SPOPL: variants seen among roughly 807,000 people sequenced by gnomAD.
SPOPL encodes speckle type BTB/POZ protein like, also known as speckle-type POZ protein-like.
SPOPL carries 23 observed loss-of-function variants against 53.8 expected under a neutral mutation model. The observed-to-expected ratio is 0.43, with a 90% CI of 0.31 to 0.61. The LOEUF is 0.61. SPOPL is among the 20% of genes least tolerant of loss of function. The pLI is 0.12. For synonymous variants in SPOPL, 164 were observed against 149.7 expected, an observed-to-expected ratio of 1.10 and a Z score of -0.70; for missense variants, 442 against 466.9, an observed-to-expected ratio of 0.95 and a Z score of 0.49.
At chr2:138,552,451 A>G in intron 4 of SPOPL, 103 bp from the exon 5 acceptor site, 4 of 1,358,616 alleles carry the variant, frequency 2.9e-6, no homozygotes, top group Non-Finnish European at 4.0e-6. Context: ...TGATGGATGT[A>G]TTGACAAGTC....
rs367938035 is a variant in SPOPL, at chr2:138,550,174, G to A, written c.-43G>A. ...CTTTGTAGGTAAGGTACTCAACTGT[G>A]TGGGGTACTACATAAATCCTGAAAG... is the stretch of plus-strand genomic sequence containing the variant. On this transcript the variant is annotated 5_prime_UTR_variant, in exon 2 of 11. In the 5' UTR this introduces an upstream ATG that the reference lacks. Coordinates refer to ENST00000280098, the MANE Select transcript of SPOPL (RefSeq NM_001001664.3). The A allele has an allele frequency of 1.7e-5, 27 of 1,579,596 alleles. No homozygotes were observed. The highest frequency in any genetic ancestry group is 2.1e-5 in the Non-Finnish European group (24 of 1,150,174).
At position 138,554,445 on chromosome 2, in the gene SPOPL, C is replaced by T. The variant is rs762242306; in HGVS notation, c.480+1764C>T. 4.0e-6 allele frequency: 5 copies of T among 1,256,314 alleles called. No individual in the cohort carries two copies. In the South Asian group the frequency reaches 5.4e-5, roughly 13 times the overall value. 77.8% of individuals were successfully genotyped at this position (1,256,314 alleles called of 1,614,324 possible). ...GATGCCCTTCCTTCTACAGAATCTC[C>T]AGCACTGCTTGCAGAAGAGGAGGAA... On this transcript the variant is annotated intron_variant, in intron 5 of 10. Transcript: ENST00000280098.
In SPOPL at chr2:138,559,117, T is replaced by A. The variant is rs1173621059; in HGVS notation, c.576T>A (p.Asn192Lys). 76 of 1,613,748 alleles carry A rather than the reference T, an allele frequency of 4.7e-5. No individual in the cohort carries two copies. The highest frequency in any genetic ancestry group is 6.3e-5 in the Non-Finnish European group (74 of 1,179,882). ...GTCGTCTAGCAGAAGATTTAGGTAA[T>A]CTCTGGGAAAACACAAGATTTACAG... Reference protein sequence around the residue: ...PECRLAEDLGNLWENTRFTDC... With the variant: ...PECRLAEDLGKLWENTRFTDC... The change falls in exon 6 of 11, where the codon AAT becomes AAA. Residue 192 changes from asparagine to lysine, a missense_variant. By Grantham distance (94) the Asn-to-Lys change is moderately conservative. Coordinates refer to ENST00000280098, the MANE Select transcript of SPOPL (RefSeq NM_001001664.3).
chr2:138,563,272 G>A (rs928870058), intron 8 of SPOPL, among the ~76,000 whole-genome samples: 1 of 152,142 alleles, frequency 6.6e-6, no homozygotes, highest in Non-Finnish European at 1.5e-5. Context: ...GAGCCCAGGG[G>A]TTTGAAACCA....
At chr2:138,565,452 A>T (rs1176443285) in intron 10 of SPOPL, among the ~76,000 whole-genome samples, 1 of 152,164 alleles carries the variant, frequency 6.6e-6, no homozygotes, top group Non-Finnish European at 1.5e-5. Context: ...ATAGTCCAAA[A>T]ATGGTAGCAA....
In SPOPL at chr2:138,541,828, T is replaced by C. The variant is rs187621626; in HGVS notation, c.-60-8329T>C. 3.5e-4 allele frequency among the ~76,000 whole-genome samples: 53 copies of C among 152,320 alleles called. No homozygotes were observed. In the East Asian group the frequency reaches 6.6e-3, roughly 19 times the overall value. ...TTTCTAGTTCTTTTAATTGTGATATTAGTGTGTCAATTTTAGATCTTTCCT... is the reference window on the plus strand; with the variant it reads ...TTTCTAGTTCTTTTAATTGTGATATCAGTGTGTCAATTTTAGATCTTTCCT... On this transcript the variant is annotated intron_variant, in intron 1 of 10. Transcript: ENST00000280098.
chr2:138,534,015 C>G (rs916615037), intron 1 of SPOPL, among the ~76,000 whole-genome samples: 1 of 151,750 alleles, frequency 6.6e-6, no homozygotes, highest in Admixed American at 6.6e-5. Flanking sequence ...TTTTTTTAAC[C>G]CTACTTTGCT....
In SPOPL at chr2:138,572,936, ATC is replaced by A. The variant is rs1685817935; in HGVS notation, c.*3857_*3858del. 1 of 152,450 alleles carries A rather than the reference ATC, an allele frequency of 6.6e-6. No homozygotes were observed. The highest frequency in any genetic ancestry group is 1.9e-4 in the East Asian group (1 of 5,182). The allele number at this position is 152,450 out of a possible 1,614,324, so 9.4% of individuals were successfully genotyped here. On this transcript the variant is annotated 3_prime_UTR_variant, in exon 11 of 11. Transcript: ENST00000280098. Reference sequence around the variant, plus strand: ...TTAAATTTTTTTGTTGTCAGAGTTTATCATTGTATACTGTAACCCAGTAAATT... The same window carrying A: ...TTAAATTTTTTTGTTGTCAGAGTTTAATTGTATACTGTAACCCAGTAAATT...
chr2:138,515,335 C>G (rs1684415822), intron 1 of SPOPL, among the ~76,000 whole-genome samples: 1 of 152,146 alleles, frequency 6.6e-6, no homozygotes, highest in South Asian at 2.1e-4. Context: ...TGACCATCTA[C>G]CCAGATTGCA....
At chr2:138,543,819 TAG>T (rs551154875) in intron 1 of SPOPL, among the ~76,000 whole-genome samples, 337 of 152,320 alleles carry the variant, frequency 2.2e-3, no homozygotes, top group African/African-American at 7.3e-3. Flanking sequence ...CTCTGATTTT[TAG>T]AGTTTCCAGT....
chr2:138,525,549 G>A (rs1215610741), intron 1 of SPOPL, among the ~76,000 whole-genome samples: 1 of 151,408 alleles, frequency 6.6e-6, no homozygotes, highest in African/African-American at 2.4e-5. Flanking sequence ...TGGGCATAGT[G>A]GTTCACACCT....
chr2:138,537,073 A>G (rs1341921705), intron 1 of SPOPL, among the ~76,000 whole-genome samples: 2 of 152,158 alleles, frequency 1.3e-5, no homozygotes, highest in Non-Finnish European at 2.9e-5. Context: ...GCAGTGACAG[A>G]TTTGAAGAAG....
chr2:138,525,856 T>C (rs540596760), intron 1 of SPOPL, among the ~76,000 whole-genome samples: 52 of 151,786 alleles, frequency 3.4e-4, no homozygotes, highest in Non-Finnish European at 6.3e-4. Context: ...AAAAAAGTTG[T>C]AATTGTATCA....
chr2:138,523,089 T>G (rs1338844866), intron 1 of SPOPL, among the ~76,000 whole-genome samples: 1 of 152,232 alleles, frequency 6.6e-6, no homozygotes, highest in East Asian at 1.9e-4. Context: ...TTAGTCCGTT[T>G]TCACACTGCC....
chr2:138,562,691 G>A (rs1363311212), intron 8 of SPOPL, among the ~76,000 whole-genome samples: 3 of 151,356 alleles, frequency 2.0e-5, no homozygotes, highest in Non-Finnish European at 2.9e-5. Context: ...GGCTGAGGCA[G>A]GAGAATTGCT....
intron 1 of SPOPL, among the ~76,000 whole-genome samples, chr2:138,529,824 CTTTTA>C (rs1684768093): frequency 2.0e-5 from 3 of 151,952 alleles, no homozygotes; most frequent in Non-Finnish European, 2.9e-5. Flanking sequence ...TTTTTTTAAA[CTTTTA>C]TTTTAAGTTC....
intron 1 of SPOPL, among the ~76,000 whole-genome samples, chr2:138,520,025 G>C (rs1684522757): frequency 6.6e-6 from 1 of 152,156 alleles, no homozygotes; most frequent in Non-Finnish European, 1.5e-5. Context: ...TTAAAATGCA[G>C]TGTTGGTGCT....
chr2:138,545,606 T>G (rs1266171198), intron 1 of SPOPL, among the ~76,000 whole-genome samples: 1 of 151,584 alleles, frequency 6.6e-6, no homozygotes, highest in Non-Finnish European at 1.5e-5. Flanking sequence ...GCTAATTTTT[T>G]TTTTTGTATT....
In SPOPL at chr2:138,564,964, G is replaced by T. The variant is rs748061226; in HGVS notation, c.1005G>T (p.Gly335=). Residue 335 remains glycine, a synonymous_variant, in exon 10 of 11, where the codon GGG becomes GGT. Coordinates refer to ENST00000280098, the MANE Select transcript of SPOPL (RefSeq NM_001001664.3). ...GGTGCAGTGTACTTCGACAACTTGG[G>T]TGTAAAGATGGGAAAAACTGGAACA... The part of the protein sequence containing the change: ...INRCSVLRQL[G]CKDGKNWNSN... 6.2e-7 allele frequency: 1 copy of T among 1,614,024 alleles called. No homozygotes were observed.
Sources: gnomAD v4.1 joint callset for allele counts (sites outside exome capture counted in the v4.1 genomes callset) on GRCh38, gnomAD v4.1.1 for gene constraint, MANE v1.5 for transcripts, NCBI Gene and HGNC (gene_info 2026-07-23, HGNC 2026-07-21) for gene names.